Variants in WDFY3 observed in about 807,000 individuals in gnomAD.
The protein encoded by WDFY3 is WD repeat and FYVE domain-containing protein 3.
A neutral mutation model predicts 409.6 loss-of-function variants in WDFY3; 66 were observed. That is an observed-to-expected ratio of 0.16 (90% confidence interval 0.13 to 0.20). The LOEUF is 0.20. WDFY3 is among the 10% of genes least tolerant of loss of function. The pLI is 1.00. For missense variants in WDFY3, 3,031 were observed against 4,298.1 expected (o/e 0.71, Z 8.24); for synonymous variants, 1,521 against 1,537.1 (o/e 0.99, Z 0.25).
In WDFY3 at chr4:84,841,324, TTTA is replaced by T. The variant is rs1757323322; in HGVS notation, c.305-64_305-62del. ...AAAGTCACATATAAAGAGGTTCTTC[TTTA>T]AAACCTACCAAGGAAATGAAAATTT... On this transcript the variant is annotated intron_variant, in intron 5 of 67. Coordinates refer to ENST00000295888, the MANE Select transcript of WDFY3 (RefSeq NM_014991.6). The T allele has an allele frequency of 3.6e-6, 5 of 1,407,142 alleles. No homozygotes were observed. The South Asian group carries it at 6.2e-5, about 17-fold the overall frequency. 87.2% of individuals were successfully genotyped at this position (1,407,142 alleles called of 1,614,324 possible). A position where few individuals can be genotyped will look rare whatever the true frequency, so the allele number is the denominator to read the frequency against.
rs781440189 is a variant in WDFY3 at position 84,850,926 on chromosome 4, C to CTTTTTTTTTTTTTTTT, written c.181-902_181-901insAAAAAAAAAAAAAAAA. Among the ~76,000 whole-genome samples, 90 of 32,154 alleles carry CTTTTTTTTTTTTTTTT rather than the reference C, an allele frequency of 2.8e-3. 11 individuals carry two copies. Among genetic ancestry groups the CTTTTTTTTTTTTTTTT allele is most frequent in the Non-Finnish European group, 3.3e-3 (55 of 16,912 alleles). The allele number at this position is 32,154 out of a possible 152,430, so 21.1% of individuals were successfully genotyped here. On this transcript the variant is annotated intron_variant, in intron 4 of 67. Transcript: ENST00000295888. ...AATTCTTATTTTTAATTTTATTTAT[C>CTTTTTTTTTTTTTTTT]TGTTTTTTTTTTTTTTTTTTTTTTT...
chr4:84,766,228 C>T (rs1268614667), intron 31 of WDFY3, 24 bp downstream of exon 31: 5 of 1,562,886 alleles, frequency 3.2e-6, no homozygotes, highest in Non-Finnish European at 4.3e-6. Flanking sequence ...CTGGTATAAT[C>T]ACTTTTAAAA....
intron 2 of WDFY3, among the ~76,000 whole-genome samples, chr4:84,909,048 G>A (rs199707041): frequency 5.8e-4 from 85 of 145,328 alleles, no homozygotes; most frequent in African/African-American, 2.0e-3. Context: ...ACACACACAC[G>A]CACACACACA....
At chr4:84,740,979 A>G (rs930385614) in intron 38 of WDFY3, among the ~76,000 whole-genome samples, 1 of 152,242 alleles carries the variant, frequency 6.6e-6, no homozygotes, top group African/African-American at 2.4e-5. Flanking sequence ...AGTATTAAAT[A>G]AGATTAATCA....
At chr4:84,850,995 CA>C (rs1013932850) in intron 4 of WDFY3, among the ~76,000 whole-genome samples, 4 of 78,500 alleles carry the variant, frequency 5.1e-5, no homozygotes, top group African/African-American at 1.9e-4. Flanking sequence ...CTATATTGCC[CA>C]GGCAGGTCTT....
intron 21 of WDFY3, among the ~76,000 whole-genome samples, chr4:84,793,836 C>G (rs945270204): frequency 1.3e-5 from 2 of 152,066 alleles, no homozygotes; most frequent in African/African-American, 4.8e-5. Context: ...TTATTGAACA[C>G]CAACCACATG....
At chr4:84,794,386 T>C (rs145299435) in intron 21 of WDFY3, 133 bp downstream of exon 21, 5 of 933,392 alleles carry the variant, frequency 5.4e-6, no homozygotes, top group Non-Finnish European at 7.8e-6. Flanking sequence ...ATATTCAATG[T>C]TTTATGTAAC....
intron 4 of WDFY3, among the ~76,000 whole-genome samples, chr4:84,854,234 T>A (rs927772335): frequency 6.6e-5 from 10 of 151,998 alleles, no homozygotes. Flanking sequence ...TGCAAAGACC[T>A]CAAAGTGAGA....
chr4:84,921,596 T>C (rs1769282977), intron 2 of WDFY3, among the ~76,000 whole-genome samples: 2 of 151,228 alleles, frequency 1.3e-5, no homozygotes, highest in African/African-American at 2.4e-5. Flanking sequence ...ATAATCAATA[T>C]ATATTCTATT....
chr4:84,905,218 C>A (rs1353642277), intron 2 of WDFY3, among the ~76,000 whole-genome samples: 2 of 152,198 alleles, frequency 1.3e-5, no homozygotes, highest in Admixed American at 6.5e-5. Flanking sequence ...TGCCTGTAAT[C>A]CCAGCTACCT....
At chr4:84,816,000 A>G (rs1023736264) in intron 13 of WDFY3, among the ~76,000 whole-genome samples, 1 of 152,066 alleles carries the variant, frequency 6.6e-6, no homozygotes, top group African/African-American at 2.4e-5. Context: ...TATAAGTAAG[A>G]GTTTTTCCTC....
At chr4:84,807,497 A>G (rs1305394668) in intron 15 of WDFY3, among the ~76,000 whole-genome samples, 1 of 152,232 alleles carries the variant, frequency 6.6e-6, no homozygotes, top group Admixed American at 6.5e-5. Context: ...AACAACAGTA[A>G]TAAGATTAAA....
chr4:84,832,268 T>C (rs1385255186), intron 7 of WDFY3, among the ~76,000 whole-genome samples: 1 of 152,156 alleles, frequency 6.6e-6, no homozygotes, highest in African/African-American at 2.4e-5. Flanking sequence ...CTTTCATTCA[T>C]ATGTAGAAGT....
intron 19 of WDFY3, among the ~76,000 whole-genome samples, chr4:84,795,553 G>A (rs1749259502): frequency 6.6e-6 from 1 of 152,304 alleles, no homozygotes; most frequent in South Asian, 2.1e-4. Context: ...CTTGAGGTCG[G>A]GAGTTCGAGA....
chr4:84,686,357 C>T (rs1183421636), intron 62 of WDFY3, among the ~76,000 whole-genome samples: 3 of 151,920 alleles, frequency 2.0e-5, no homozygotes, highest in African/African-American at 7.2e-5. Context: ...AAAACAAAAA[C>T]AAATTTGACT....
intron 29 of WDFY3, among the ~76,000 whole-genome samples, chr4:84,774,439 C>T (rs768551358): frequency 6.6e-6 from 1 of 152,166 alleles, no homozygotes; most frequent in Non-Finnish European, 1.5e-5. Context: ...TAAAAAATAG[C>T]GGTGGCACAC....
chr4:84,873,824 C>T (rs1262764094), intron 3 of WDFY3, among the ~76,000 whole-genome samples: 1 of 151,384 alleles, frequency 6.6e-6, no homozygotes. Flanking sequence ...AATCTGTAAC[C>T]CATGCTGGAG....
At chr4:84,918,728 G>GA (rs899560218) in intron 2 of WDFY3, among the ~76,000 whole-genome samples, 60 of 143,224 alleles carry the variant, frequency 4.2e-4, no homozygotes, top group South Asian at 8.8e-4. Context: ...TTCTTATTTT[G>GA]AAAAAAAAAA....
chr4:84,810,832 T>G (rs955371905), intron 13 of WDFY3, among the ~76,000 whole-genome samples: 2 of 152,208 alleles, frequency 1.3e-5, no homozygotes, highest in Non-Finnish European at 2.9e-5. Context: ...GCAGATTCAC[T>G]TTAGAAGACT....
Sources: gnomAD v4.1 joint callset for allele counts (sites outside exome capture counted in the v4.1 genomes callset) on GRCh38, gnomAD v4.1.1 for gene constraint, MANE v1.5 for transcripts, NCBI Gene and HGNC (gene_info 2026-07-23, HGNC 2026-07-21) for gene names.